The following CLSTN1 variants were observed in gnomAD, a reference collection of about 807,000 sequenced individuals.
CLSTN1 encodes the protein calsyntenin-1.
Under a neutral mutation model 108.3 loss-of-function variants are expected in CLSTN1, and 28 were observed. The ratio of observed to expected loss-of-function variants is 0.26; its 90% CI spans 0.19 to 0.35. CLSTN1 has a LOEUF of 0.35. Among genes scored for constraint, CLSTN1 ranks in the 10% least tolerant of loss-of-function variants. The pLI, the probability that CLSTN1 is intolerant of heterozygous loss-of-function variation, is 1.00. For synonymous variants in CLSTN1, 524 were observed against 534.9 expected, an observed-to-expected ratio of 0.98 and a Z score of 0.28; for missense variants, 1,157 against 1,302.6, an observed-to-expected ratio of 0.89 and a Z score of 1.72.
intron 2 of CLSTN1, among the ~76,000 whole-genome samples, chr1:9,771,268 C>A (rs1360870924): frequency 2.0e-5 from 3 of 151,950 alleles, no homozygotes; most frequent in Non-Finnish European, 4.4e-5. Context: ...TCACCTGAGG[C>A]CAGGAGTTCG....
rs2101209983 is a variant in CLSTN1, at chr1:9,786,901, G to A, written c.92-13507C>T. ...AGGGAATGAGCAGGAACAGATGGAGGAGGAACCCCTATGTCCTTCTCCCTG... is the reference window on the plus strand; with the variant it reads ...AGGGAATGAGCAGGAACAGATGGAGAAGGAACCCCTATGTCCTTCTCCCTG... On this transcript the variant is annotated intron_variant, in intron 1 of 18. Coordinates refer to ENST00000377298, the MANE Select transcript of CLSTN1 (RefSeq NM_001009566.3). 1.3e-5 allele frequency among the ~76,000 whole-genome samples: 2 copies of A among 151,410 alleles called. 1 individual carries two copies. The highest frequency in any genetic ancestry group is 4.4e-4 in the South Asian group (2 of 4,588).
intron 2 of CLSTN1, among the ~76,000 whole-genome samples, chr1:9,757,743 C>T (rs1474281909): frequency 1.3e-5 from 2 of 152,050 alleles, no homozygotes; most frequent in Admixed American, 6.6e-5. Flanking sequence ...TCTGTTCTAC[C>T]AAGTCAATAT....
At chr1:9,769,366 T>G (rs116462826) in intron 2 of CLSTN1, among the ~76,000 whole-genome samples, 3 of 152,114 alleles carry the variant, frequency 2.0e-5, no homozygotes, top group African/African-American at 7.2e-5. Context: ...TGACCCATAA[T>G]AGCCAAAAAG....
chr1:9,806,205 G>A (rs531307723), intron 1 of CLSTN1, among the ~76,000 whole-genome samples: 65 of 148,542 alleles, frequency 4.4e-4, no homozygotes, highest in African/African-American at 8.3e-4. Flanking sequence ...CAGGAGAATC[G>A]TTTGAACCCA....
At chr1:9,768,757 G>A (rs1295492408) in intron 2 of CLSTN1, among the ~76,000 whole-genome samples, 1 of 107,876 alleles carries the variant, frequency 9.3e-6, no homozygotes, top group Non-Finnish European at 1.9e-5. Context: ...TCATGGGGGC[G>A]GGGTTCTGTG....
chr1:9,734,278 T>C lies in CLSTN1; in HGVS notation c.2111-136A>G, dbSNP rs532856580. The C allele has an allele frequency of 8.1e-6, 7 of 865,220 alleles. No homozygotes were observed. In the South Asian group the frequency reaches 1.0e-4, roughly 12 times the overall value. The allele number at this position is 865,220 out of a possible 1,614,324, so 53.6% of individuals were successfully genotyped here. On this transcript the variant is annotated intron_variant, in intron 14 of 18. Transcript: ENST00000377298. The surrounding 1 kb of genome is among the most constrained non-coding windows in gnomAD (Gnocchi z 4.8). ...GACCAACGACAGAAGCAAGCGAGAG[T>C]TGCTTTCAAGAAACGGCTGGGCGCA...
rs554223075 is a variant in CLSTN1 at position 9,796,674 on chromosome 1, ACTCCGC to A, written c.92-23286_92-23281del. 6.3e-3 allele frequency among the ~76,000 whole-genome samples: 964 copies of A among 152,058 alleles called. 7 individuals are homozygous for A. The highest frequency in any genetic ancestry group is 0.022 in the South Asian group (104 of 4,790). ...ACTCCAGCCTGGGCGACAGAGCGAG[ACTCCGC>A]CTCAAAAAAAAGAAAGAAAAGAAAG... On this transcript the variant is annotated intron_variant, in intron 1 of 18. Coordinates refer to ENST00000377298, the MANE Select transcript of CLSTN1 (RefSeq NM_001009566.3).
At chr1:9,818,428 A>G (rs1655063995) in intron 1 of CLSTN1, among the ~76,000 whole-genome samples, 2 of 151,060 alleles carry the variant, frequency 1.3e-5, no homozygotes, top group Non-Finnish European at 2.9e-5. Context: ...TCCCGAGTTC[A>G]AGCAATTCTC....
chr1:9,734,059 C>T lies in CLSTN1; in HGVS notation c.2194G>A (p.Glu732Lys), dbSNP rs1311021040. Residue 732 changes from glutamate (E) to lysine (K), a missense_variant, in exon 15 of 19, where the codon GAG (glutamate) becomes AAG (lysine). Coordinates refer to ENST00000377298, the MANE Select transcript of CLSTN1 (RefSeq NM_001009566.3). The surrounding 1 kb of genome is among the most constrained non-coding windows in gnomAD (Gnocchi z 4.8). ...ATGTCCACCTCCAGGCTCTCCTGCT[C>T]GTGGTTCAGCTCCTCTCCCTCCACC... ...VTVEGEELNH[E>K]QESLEVDMAR... The T allele has an allele frequency of 3.7e-6, 6 of 1,614,074 alleles. No individual in the cohort carries two copies. Among genetic ancestry groups the T allele is most frequent in the African/African-American group, 1.3e-5 (1 of 74,928 alleles).
At chr1:9,781,885 A>G (rs530240882) in intron 1 of CLSTN1, among the ~76,000 whole-genome samples, 55 of 152,310 alleles carry the variant, frequency 3.6e-4, no homozygotes, top group Non-Finnish European at 6.6e-4. Context: ...GGAACCCATC[A>G]GTAGTAATGT....
rs1003460860 is a variant in CLSTN1, at chr1:9,790,967, A to T, written c.92-17573T>A. Among the ~76,000 whole-genome samples, 3 of 151,154 alleles carry T rather than the reference A, an allele frequency of 2.0e-5. 1 individual carries two copies. The Admixed American group carries it at 2.0e-4, about 10-fold the overall frequency. ...GCTAACAAGGTGAAACCCCGTCTCT[A>T]CTAAAAATACAAAAATTAGCCAGGC... On this transcript the variant is annotated intron_variant, in intron 1 of 18. Transcript: ENST00000377298.
intron 1 of CLSTN1, among the ~76,000 whole-genome samples, chr1:9,783,758 CA>C (rs1260494154): frequency 6.6e-6 from 1 of 151,986 alleles, no homozygotes; most frequent in Non-Finnish European, 1.5e-5. Flanking sequence ...TTTGGGAGGC[CA>C]AGGTGAGCAG....
intron 1 of CLSTN1, among the ~76,000 whole-genome samples, chr1:9,803,345 C>A (rs1654367603): frequency 1.3e-5 from 2 of 152,064 alleles, no homozygotes; most frequent in African/African-American, 4.8e-5. Context: ...AACAAACCAC[C>A]CAAAACAGCA....
At chr1:9,775,141 G>T (rs976015985) in intron 1 of CLSTN1, among the ~76,000 whole-genome samples, 2 of 152,094 alleles carry the variant, frequency 1.3e-5, no homozygotes, top group Non-Finnish European at 2.9e-5. Context: ...TATAAGCAAG[G>T]TCTTTGTGAC....
chr1:9,790,821 C>T (rs1223577869), intron 1 of CLSTN1, among the ~76,000 whole-genome samples: 3 of 151,050 alleles, frequency 2.0e-5, no homozygotes, highest in East Asian at 4.0e-4. Flanking sequence ...CGCAAATGTG[C>T]TTTTAAAAAT....
intron 1 of CLSTN1, among the ~76,000 whole-genome samples, chr1:9,792,677 C>T (rs1653821542): frequency 6.6e-6 from 1 of 151,438 alleles, no homozygotes; most frequent in African/African-American, 2.4e-5. Context: ...GCCTGAATCC[C>T]AGAATACCCC....
Position 9,751,657 on chromosome 1 carries a change from G to T in CLSTN1, c.465C>A (p.Asn155Lys). Residue 155 changes from asparagine to lysine, a missense_variant, in exon 5 of 19, where the codon AAC (asparagine) becomes AAA (lysine). Transcript: ENST00000377298. ...SHKATVHIQV[N>K]DVNEYAPVFK... ...ACACGGGCGCGTACTCATTCACGTC[G>T]TTCACCTGAATATGAACAGTTGCTC... 6.2e-7 allele frequency: 1 copy of T among 1,614,072 alleles called. No homozygotes were observed. The highest frequency in any genetic ancestry group is 8.5e-7 in the Non-Finnish European group (1 of 1,180,012).
intron 2 of CLSTN1, among the ~76,000 whole-genome samples, chr1:9,762,127 C>T (rs1652103915): frequency 6.6e-6 from 1 of 152,152 alleles, no homozygotes; most frequent in South Asian, 2.1e-4. Context: ...TGTAGATCCA[C>T]TGATCTGTGC....
chr1:9,810,480 A>T (rs1252967828), intron 1 of CLSTN1, among the ~76,000 whole-genome samples: 1 of 151,744 alleles, frequency 6.6e-6, no homozygotes, highest in Non-Finnish European at 1.5e-5. Flanking sequence ...TGTCTCAAAA[A>T]TAAATAAATA....
Sources: gnomAD v4.1 joint callset for allele counts (sites outside exome capture counted in the v4.1 genomes callset) on GRCh38, gnomAD v4.1.1 for gene constraint, Gnocchi (gnomAD v3.1) non-coding constraint, MANE v1.5 for transcripts, NCBI Gene and HGNC (gene_info 2026-07-23, HGNC 2026-07-21) for gene names.